The following JAKMIP3 variants were observed in gnomAD, a reference collection of about 807,000 sequenced individuals.
JAKMIP3 encodes Janus kinase and microtubule interacting protein 3.
A neutral mutation model predicts 118.5 loss-of-function variants in JAKMIP3; 58 were observed. The observed-to-expected ratio is 0.49, with a 90% CI of 0.40 to 0.61. The LOEUF is 0.61. Among genes scored for constraint, JAKMIP3 ranks in the 20% least tolerant of loss-of-function variants. The pLI, the probability that JAKMIP3 is intolerant of heterozygous loss-of-function variation, is 0.00. For missense variants in JAKMIP3, 950 were observed against 1,109.0 expected, an observed-to-expected ratio of 0.86 and a Z score of 2.04; for synonymous variants, 486 against 451.2, an observed-to-expected ratio of 1.08 and a Z score of -0.98.
intron 15 of JAKMIP3, among the ~76,000 whole-genome samples, 197 bp downstream of exon 15, chr10:132,149,707 A>G (rs1260751243): frequency 7.7e-4 from 1 of 1,302 alleles, no homozygotes; most frequent in East Asian, 0.033. Flanking sequence ...CCCTGCCCCC[A>G]CCCTACCCCT....
In JAKMIP3 at chr10:132,164,781, G is replaced by T. The variant is rs113759290; in HGVS notation, c.2490+46G>T. On this transcript the variant is annotated intron_variant, in intron 21 of 23. Transcript: ENST00000684848. ...GGGGTTGCTTGTTAAGATCAAGGGA[G>T]AGGAACCCGGTGTCACCCCGACCTG... 1,300 of 1,352,246 alleles carry T rather than the reference G, an allele frequency of 9.6e-4. 9 individuals are homozygous for T. In the African/African-American group the frequency reaches 0.016, roughly 17 times the overall value. 83.8% of individuals were successfully genotyped at this position (1,352,246 alleles called of 1,614,324 possible). A position where few individuals can be genotyped will look rare whatever the true frequency, so the allele number is the denominator to read the frequency against.
At chr10:132,134,282 C>T (rs570832954) in intron 4 of JAKMIP3, among the ~76,000 whole-genome samples, 3 of 152,276 alleles carry the variant, frequency 2.0e-5, no homozygotes, top group East Asian at 1.9e-4. Flanking sequence ...GCTGCTTGTT[C>T]GCTTTGAGGA....
chr10:132,147,494 T>C (rs2054862764), intron 13 of JAKMIP3, among the ~76,000 whole-genome samples: 1 of 152,214 alleles, frequency 6.6e-6, no homozygotes, highest in Non-Finnish European at 1.5e-5. Context: ...GCTCCTTCCA[T>C]TGGGCACAGC....
chr10:132,065,132 G>A (rs1160037268), upstream of JAKMIP3, among the ~76,000 whole-genome samples: 2 of 152,096 alleles, frequency 1.3e-5, no homozygotes, highest in Admixed American at 6.5e-5. This position sits in a 1 kb window ranked among gnomAD's most constrained non-coding sequence, Gnocchi z 5.6. Flanking sequence ...CACCCGCACC[G>A]GCAGCCCTCA....
At chr10:132,116,517 C>G (rs1476631571) in intron 2 of JAKMIP3, among the ~76,000 whole-genome samples, 1 of 143,062 alleles carries the variant, frequency 7.0e-6, no homozygotes, top group African/African-American at 2.7e-5. Flanking sequence ...TGAGTGTGTG[C>G]ATCATGGACG....
intron 1 of JAKMIP3, among the ~76,000 whole-genome samples, chr10:132,096,711 C>G (rs2043915648): frequency 6.6e-6 from 1 of 152,084 alleles, no homozygotes. Flanking sequence ...CCCTGCTCCC[C>G]CATTAGTACA....
At chr10:132,077,036 T>C (rs1349843933) in intron 1 of JAKMIP3, among the ~76,000 whole-genome samples, 1 of 152,182 alleles carries the variant, frequency 6.6e-6, no homozygotes, top group Admixed American at 6.5e-5. Context: ...TGGCCCCAGG[T>C]CTGTGGTGGC....
intron 1 of JAKMIP3, among the ~76,000 whole-genome samples, chr10:132,052,217 C>G (rs1182260570): frequency 6.6e-6 from 1 of 152,156 alleles, no homozygotes; most frequent in African/African-American, 2.4e-5. Flanking sequence ...CAGAGTGAGA[C>G]CCTGTCTCAA....
intron 1 of JAKMIP3, among the ~76,000 whole-genome samples, chr10:132,066,529 G>A (rs1205467049): frequency 2.0e-5 from 3 of 152,194 alleles, no homozygotes; most frequent in African/African-American, 4.8e-5. Context: ...TGGGGTAACC[G>A]GCTGGACTTT....
rs1382868008 is a variant in JAKMIP3, at chr10:132,118,226, C to T, written c.633+652C>T. Among the ~76,000 whole-genome samples, 1 of 152,206 alleles carries T rather than the reference C, an allele frequency of 6.6e-6. No individual in the cohort carries two copies. The highest frequency in any genetic ancestry group is 1.5e-5 in the Non-Finnish European group (1 of 68,030). On this transcript the variant is annotated intron_variant, in intron 3 of 23. Transcript: ENST00000684848. The surrounding 1 kb of genome is among the most constrained non-coding windows in gnomAD (Gnocchi z 4.8). Reference sequence around the variant, plus strand: ...GTTGGCATCTGGTGCAGCCTAATAGCTCCAGAGACCTGGGCACCCATGGCA... The same window carrying T: ...GTTGGCATCTGGTGCAGCCTAATAGTTCCAGAGACCTGGGCACCCATGGCA...
At chr10:132,140,624 G>A (rs531085140) in intron 10 of JAKMIP3, 45 bp downstream of exon 10, 5 of 1,292,736 alleles carry the variant, frequency 3.9e-6, no homozygotes, top group East Asian at 3.9e-5. Flanking sequence ...AGGAGGTAAC[G>A]AGGGTCTCCT....
At chr10:132,142,166 G>A in intron 11 of JAKMIP3, 118 bp downstream of exon 11, 2 of 1,079,848 alleles carry the variant, frequency 1.9e-6, no homozygotes, top group South Asian at 3.2e-5. Context: ...CTCCTCTCCT[G>A]CCCTTGCCTG....
At chr10:132,181,480 T>C in intron 23 of JAKMIP3, 1 of 152,158 alleles carries the variant, frequency 6.6e-6, no homozygotes, top group Non-Finnish European at 1.5e-5. Flanking sequence ...CTGTAAAATA[T>C]GAGGGCTGGA....
chr10:132,082,505 C>A (rs2041902620), intron 1 of JAKMIP3, among the ~76,000 whole-genome samples: 2 of 152,136 alleles, frequency 1.3e-5, no homozygotes, highest in African/African-American at 2.4e-5. Flanking sequence ...CAAGTTACTT[C>A]ATTTGGAATA....
rs2061607649 is a variant in JAKMIP3, at chr10:132,182,956, C to G, written c.*1703C>G. ...TTGTCCAAGAAAGACCCATCCATTT[C>G]TGTTGTCATTCAAGCCACAGTTCCT... On this transcript the variant is annotated 3_prime_UTR_variant, in exon 24 of 24. Transcript: ENST00000684848. 1 of 152,162 alleles carries G rather than the reference C, an allele frequency of 6.6e-6. No individual in the cohort carries two copies. The highest frequency in any genetic ancestry group is 6.5e-5 in the Admixed American group (1 of 15,282). The allele number at this position is 152,162 out of a possible 1,614,324, so 9.4% of individuals were successfully genotyped here.
At chr10:132,180,650 TGCGTGTGCGTGTGTGC>T (rs2060961746) in intron 23 of JAKMIP3, among the ~76,000 whole-genome samples, 1 of 28,244 alleles carries the variant, frequency 3.5e-5, no homozygotes, top group African/African-American at 2.0e-4. Context: ...TGTGTGCGTG[TGCGTGTGCGTGTGTGC>T]GTGTGTGTGC....
chr10:132,132,294 T>A (rs554609696), intron 3 of JAKMIP3, among the ~76,000 whole-genome samples: 1 of 152,296 alleles, frequency 6.6e-6, no homozygotes, highest in East Asian at 1.9e-4. Flanking sequence ...GCTCTGTTGT[T>A]TGAAAATATA....
At chr10:132,180,602 C>CGTGTGT (rs1395185618) in intron 23 of JAKMIP3, among the ~76,000 whole-genome samples, 1 of 12,052 alleles carries the variant, frequency 8.3e-5, no homozygotes, top group Non-Finnish European at 1.6e-4. Context: ...TGTGTGCGTG[C>CGTGTGT]GCGTGTGTGT....
At chr10:132,139,218 G>C (rs918439570) in intron 9 of JAKMIP3, among the ~76,000 whole-genome samples, 2 of 125,454 alleles carry the variant, frequency 1.6e-5, no homozygotes, top group Non-Finnish European at 3.3e-5. Context: ...GTGTATGTGT[G>C]TACATGTGAG....
Sources: gnomAD v4.1 joint callset for allele counts (sites outside exome capture counted in the v4.1 genomes callset) on GRCh38, gnomAD v4.1.1 for gene constraint, Gnocchi (gnomAD v3.1) non-coding constraint, MANE v1.5 for transcripts, NCBI Gene and HGNC (gene_info 2026-07-23, HGNC 2026-07-21) for gene names.